CEP63: variants seen among roughly 807,000 people sequenced by gnomAD.
The protein encoded by CEP63 is centrosomal protein 63, also known as centrosomal protein of 63 kDa.
A neutral mutation model predicts 89.1 loss-of-function variants in CEP63; 84 were observed. That is an observed-to-expected ratio of 0.94 (90% CI 0.79 to 1.13). CEP63 has a LOEUF of 1.13. Ranked by LOEUF, CEP63 falls within the 50% of genes most tolerant of loss-of-function variation. CEP63 has a pLI of 0.00. For missense variants in CEP63, 838 were observed against 813.3 expected (o/e 1.03, Z -0.37); for synonymous variants, 267 against 272.5 (o/e 0.98, Z 0.20).
intron 1 of CEP63, among the ~76,000 whole-genome samples, chr3:134,492,615 T>A (rs1180696304): frequency 6.6e-6 from 1 of 151,948 alleles, no homozygotes; most frequent in Non-Finnish European, 1.5e-5. Flanking sequence ...TCTTAGACCA[T>A]TTTGATTTCT....
In CEP63 at chr3:134,561,522, C is replaced by G; in HGVS notation, c.2099C>G (p.Thr700Arg). The G allele has an allele frequency of 6.2e-7, 1 of 1,613,626 alleles. No individual in the cohort carries two copies. The highest frequency in any genetic ancestry group is 8.5e-7 in the Non-Finnish European group (1 of 1,179,758). Residue 700 changes from threonine (T) to arginine (R), a missense_variant, in exon 15 of 15, where the codon ACA (threonine) becomes AGA (arginine). Transcript: ENST00000675561. ...AGTGAAAAGACAGTGAGACAATTCA[C>G]AGCCTTAAAGTAGCCTCTTAAAAAA... The part of the protein sequence containing the change: ...RESEKTVRQF[T>R]ALK
chr3:134,657,489 GTT>G, the CEP63 span, among the ~76,000 whole-genome samples: 1 of 152,140 alleles, frequency 6.6e-6, no homozygotes, highest in African/African-American at 2.4e-5. Context: ...GTAATGAATA[GTT>G]TACTAAAAAC....
At chr3:134,667,199 T>C in the CEP63 span, among the ~76,000 whole-genome samples, 11 of 152,180 alleles carry the variant, frequency 7.2e-5, no homozygotes, top group African/African-American at 1.9e-4. Context: ...TCCAGCTCAC[T>C]TCCCCCCGAC....
chr3:134,761,293 C>G, the CEP63 span, among the ~76,000 whole-genome samples: 2 of 152,216 alleles, frequency 1.3e-5, no homozygotes. Context: ...TTTTAATTTT[C>G]ATGCACATGA....
the CEP63 span, among the ~76,000 whole-genome samples, chr3:134,621,724 G>A: frequency 3.9e-5 from 6 of 152,240 alleles, no homozygotes; most frequent in Admixed American, 1.3e-4. Context: ...AAGGGCATTC[G>A]TGAAAATAAA....
intron 1 of CEP63, among the ~76,000 whole-genome samples, chr3:134,494,252 C>T (rs79354012): frequency 1.3e-5 from 2 of 151,690 alleles, no homozygotes; most frequent in Non-Finnish European, 2.9e-5. Context: ...ATGGCTGGAA[C>T]TACAGGTGCA....
downstream of CEP63, among the ~76,000 whole-genome samples, chr3:134,588,986 C>A (rs1217057000): frequency 6.6e-6 from 1 of 152,144 alleles, no homozygotes; most frequent in African/African-American, 2.4e-5. Flanking sequence ...TTTAAAAACT[C>A]ATCATACAAA....
At chr3:134,521,139 A>AT (rs1947353124) in intron 3 of CEP63, among the ~76,000 whole-genome samples, 1 of 152,186 alleles carries the variant, frequency 6.6e-6, no homozygotes, top group Non-Finnish European at 1.5e-5. Context: ...ACAAAGGAAG[A>AT]TATCAAAATG....
chr3:134,707,890 G>T, the CEP63 span, among the ~76,000 whole-genome samples: 1 of 152,026 alleles, frequency 6.6e-6, no homozygotes. Flanking sequence ...CCCAATGCAT[G>T]GAAAGGGCTG....
the CEP63 span, among the ~76,000 whole-genome samples, chr3:134,730,506 A>G: frequency 1.3e-5 from 2 of 152,200 alleles, no homozygotes; most frequent in Non-Finnish European, 2.9e-5. Flanking sequence ...TCATTGTAAG[A>G]AAAAAAGATA....
chr3:134,573,470 G>T (rs534672622), intron 11 of CEP63, among the ~76,000 whole-genome samples: 2 of 152,244 alleles, frequency 1.3e-5, no homozygotes, highest in South Asian at 4.2e-4. Flanking sequence ...TCTGCATATG[G>T]TTAGCCAGCT....
chr3:134,563,790 C>G lies in CEP63; in HGVS notation c.*2255C>G, dbSNP rs192310170. On this transcript the variant is annotated 3_prime_UTR_variant, in exon 15 of 15. Coordinates refer to ENST00000675561, the MANE Select transcript of CEP63 (RefSeq NM_001353108.3). ...GTATAGCCTACAGAGTGTCAATAAT[C>G]TGGGCCTAATCACCCATTGCATCAT... The G allele has an allele frequency of 6.6e-6, 1 of 152,388 alleles. No homozygotes were observed. The highest frequency in any genetic ancestry group is 1.9e-4 in the East Asian group (1 of 5,190). 9.4% of individuals were successfully genotyped at this position (152,388 alleles called of 1,614,324 possible).
At chr3:134,699,841 CAGA>C in the CEP63 span, among the ~76,000 whole-genome samples, 1 of 152,224 alleles carries the variant, frequency 6.6e-6, no homozygotes, top group Admixed American at 6.5e-5. Flanking sequence ...ATGACTTGTC[CAGA>C]AGAACACTTT....
chr3:134,725,674 A>T, the CEP63 span, among the ~76,000 whole-genome samples: 1 of 152,230 alleles, frequency 6.6e-6, no homozygotes, highest in South Asian at 2.1e-4. Flanking sequence ...AAATTAACTG[A>T]CTTGTAAGCA....
chr3:134,533,973 TC>T (rs748262254), intron 5 of CEP63, among the ~76,000 whole-genome samples: 2 of 152,082 alleles, frequency 1.3e-5, no homozygotes, highest in Admixed American at 1.3e-4. Context: ...CAATACCTTT[TC>T]CCCCCAAACC....
downstream of CEP63, among the ~76,000 whole-genome samples, chr3:134,587,986 T>G (rs115444640): frequency 7.6e-3 from 1,155 of 152,314 alleles, 18 homozygotes; most frequent in African/African-American, 0.026. Context: ...AATATGTCCC[T>G]CTTCAAATAC....
rs778868686 is a variant in CEP63 at position 134,549,083 on chromosome 3, G to A, written c.1089G>A (p.Thr363=). 8.1e-6 allele frequency: 13 copies of A among 1,612,536 alleles called. No individual in the cohort carries two copies. The highest frequency in any genetic ancestry group is 9.3e-6 in the Non-Finnish European group (11 of 1,178,770). ...LEGSLESVSA[T]CKQLSQELME... ...ACAGTTTGGAATCTGTGAGTGCAAC[G>A]TGTAAACAGCTGAGCCAAGAACTAA... is the stretch of plus-strand genomic sequence containing the variant. The change falls in exon 10 of 15, where the codon ACG becomes ACA. Residue 363 remains threonine (T), a synonymous_variant. Coordinates refer to ENST00000675561, the MANE Select transcript of CEP63 (RefSeq NM_001353108.3).
chr3:134,491,387 T>C (rs1413461095), intron 1 of CEP63, among the ~76,000 whole-genome samples: 3 of 152,248 alleles, frequency 2.0e-5, no homozygotes, highest in Admixed American at 2.0e-4. Flanking sequence ...TGTTTATACC[T>C]CTCGCCCATG....
chr3:134,566,899 A>G (rs1957785913), downstream of CEP63, among the ~76,000 whole-genome samples: 1 of 152,370 alleles, frequency 6.6e-6, no homozygotes, highest in African/African-American at 2.4e-5. Flanking sequence ...CATATTACCC[A>G]GCAATACCAA....
Sources: allele counts gnomAD v4.1 joint callset (sites outside exome capture counted in the v4.1 genomes callset), GRCh38; gene constraint gnomAD v4.1.1; transcripts MANE v1.5; gene names NCBI Gene and HGNC (gene_info 2026-07-23, HGNC 2026-07-21).